The following DNAH5 variants were observed in gnomAD, a reference collection of about 807,000 sequenced individuals.
DNAH5 encodes the protein dynein axonemal heavy chain 5.
DNAH5 carries 372 observed loss-of-function variants against 518.2 expected under a neutral mutation model. That is an observed-to-expected ratio of 0.72 (90% CI 0.66 to 0.78). DNAH5 has a LOEUF of 0.78. Ranked by LOEUF, DNAH5 falls within the 30% of genes least tolerant of loss-of-function variation. The pLI is 0.00. For synonymous variants in DNAH5, 2,039 were observed against 2,025.9 expected (o/e 1.01, Z -0.17); for missense variants, 5,523 against 5,687.0 (o/e 0.97, Z 0.93).
intron 1 of DNAH5, among the ~76,000 whole-genome samples, chr5:13,941,566 C>CA (rs1252612724): frequency 6.6e-6 from 1 of 152,178 alleles, no homozygotes; most frequent in Non-Finnish European, 1.5e-5. Context: ...GACATCTTTT[C>CA]AGATTTCAAA....
At position 13,691,802 on chromosome 5, in the gene DNAH5, G is replaced by T; in HGVS notation, c.*182C>A. 1 of 676,264 alleles carries T rather than the reference G, an allele frequency of 1.5e-6. No homozygotes were observed. Among genetic ancestry groups the T allele is most frequent in the Non-Finnish European group, 2.5e-6 (1 of 404,380 alleles). The allele number at this position is 676,264 out of a possible 1,614,324, so 41.9% of individuals were successfully genotyped here. A position where few individuals can be genotyped will look rare whatever the true frequency, so the allele number is the denominator to read the frequency against. ...AACATTTTCAACAAACTCAGACATTGGTCACTAATGATGAAACAAGTAAAA... is the reference window on the plus strand; with the variant it reads ...AACATTTTCAACAAACTCAGACATTTGTCACTAATGATGAAACAAGTAAAA... On this transcript the variant is annotated 3_prime_UTR_variant, in exon 79 of 79. Coordinates refer to ENST00000265104, the MANE Select transcript of DNAH5 (RefSeq NM_001369.3).
At chr5:13,734,423 C>A (rs1197600331) in intron 68 of DNAH5, among the ~76,000 whole-genome samples, 4 of 152,168 alleles carry the variant, frequency 2.6e-5, no homozygotes, top group Admixed American at 2.6e-4. Flanking sequence ...TGTTTTCCAG[C>A]CTTCCGCTGG....
intron 1 of DNAH5, among the ~76,000 whole-genome samples, chr5:13,999,387 C>T (rs1367184939): frequency 6.6e-6 from 1 of 152,216 alleles, no homozygotes; most frequent in Non-Finnish European, 1.5e-5. Context: ...TCCTGGCCAC[C>T]ACCATTCCAC....
intron 39 of DNAH5, 37 bp downstream of exon 39, chr5:13,824,162 T>C (rs367925678): frequency 1.2e-6 from 2 of 1,608,520 alleles, no homozygotes; most frequent in Middle Eastern, 1.6e-4. Context: ...TTAACTGATA[T>C]CCAAGTAGGT....
At chr5:13,771,344 AT>A in intron 55 of DNAH5, 1 of 276,604 alleles carries the variant, frequency 3.6e-6, no homozygotes, top group Non-Finnish European at 6.9e-6. Context: ...CCTGGTACTC[AT>A]ATTTAACAAT....
intron 51 of DNAH5, among the ~76,000 whole-genome samples, chr5:13,787,602 C>T (rs1256705222): frequency 6.6e-6 from 1 of 150,994 alleles, no homozygotes; most frequent in African/African-American, 2.4e-5. Flanking sequence ...CTCCCCCGGC[C>T]CCCAAAATGC....
chr5:13,874,526 T>A (rs988149798), intron 22 of DNAH5, among the ~76,000 whole-genome samples: 3 of 151,652 alleles, frequency 2.0e-5, no homozygotes, highest in Non-Finnish European at 4.4e-5. Flanking sequence ...GTTTCTATAT[T>A]TTTTTTTTCG....
In DNAH5 at chr5:13,922,113, C is replaced by T. The variant is rs200793212; in HGVS notation, c.654G>A (p.Lys218=). 2.9e-5 allele frequency: 46 copies of T among 1,613,896 alleles called. No homozygotes were observed. The highest frequency in any genetic ancestry group is 3.6e-5 in the Non-Finnish European group (43 of 1,179,982). Residue 218 remains lysine, a synonymous_variant, in exon 5 of 79, where the codon AAG becomes AAA. Transcript: ENST00000265104. Reference sequence around the variant, plus strand: ...ACAGCTTATTCGTCCTCACCTTCTCCTTCAGACTCTCCTGTGCACCCGACA... The same window carrying T: ...ACAGCTTATTCGTCCTCACCTTCTCTTTCAGACTCTCCTGTGCACCCGACA... ...NVLSGAQESL[K]EKVNLRKCDI...
In DNAH5 at chr5:13,867,878, G is replaced by A. The variant is rs1769508571; in HGVS notation, c.3949C>T (p.Gln1317Ter). ...GGCTGCAGTGAGACTAATTTATTCTGGACTTCGCCAGCACGTGCCAGCAGC... is the reference window on the plus strand; with the variant it reads ...GGCTGCAGTGAGACTAATTTATTCTAGACTTCGCCAGCACGTGCCAGCAGC... ...EKLLARAGEV[Q>*]NKLVSLQPSF... The change falls in exon 25 of 79, where the codon CAG becomes TAG. Residue 1317 changes from glutamine to a stop codon, truncating the protein, a stop_gained. Coordinates refer to ENST00000265104, the MANE Select transcript of DNAH5 (RefSeq NM_001369.3). LOFTEE classifies it high-confidence loss of function. The A allele has an allele frequency of 6.2e-7, 1 of 1,614,016 alleles. No homozygotes were observed. The highest frequency in any genetic ancestry group is 8.5e-7 in the Non-Finnish European group (1 of 1,179,988).
chr5:13,810,860 GA>G (rs1760593428), intron 44 of DNAH5, among the ~76,000 whole-genome samples: 1 of 152,058 alleles, frequency 6.6e-6, no homozygotes, highest in Admixed American at 6.6e-5. Context: ...AATGGATAAA[GA>G]AAAGTGCTAC....
At chr5:13,919,093 G>C in intron 7 of DNAH5, 83 bp downstream of exon 7, 1 of 1,524,028 alleles carries the variant, frequency 6.6e-7, no homozygotes, top group Non-Finnish European at 9.0e-7. Flanking sequence ...ACATTTTTTT[G>C]TTCCTAATCA....
chr5:13,752,208 C>T lies in DNAH5; in HGVS notation c.10954G>A (p.Val3652Ile), dbSNP rs756103727. ...SLGRPLLIED[V>I]GEELDPALDN... ...AGTGCTGGATCTAGTTCCTCTCCAA[C>T]ATCTTCAATAAGCAAAGGCCTTCCA... The change falls in exon 64 of 79, where the codon GTT becomes ATT. Residue 3652 changes from valine to isoleucine, a missense_variant. Val to Ile is a conservative substitution (Grantham distance 29). Around this residue, in one of 3 missense-constraint regions of DNAH5, gnomAD observed 5,121 missense variants for 5,223.3 expected, o/e 0.98. Transcript: ENST00000265104. 14 of 1,613,936 alleles carry T rather than the reference C, an allele frequency of 8.7e-6. No individual in the cohort carries two copies. The African/African-American group carries it at 1.7e-4, about 20-fold the overall frequency.
rs777611164 is a variant in DNAH5, at chr5:13,781,046, A to G, written c.8821-87T>C. 4.4e-4 allele frequency: 635 copies of G among 1,453,064 alleles called. 2 individuals carry two copies. Among genetic ancestry groups the G allele is most frequent in the Non-Finnish European group, 5.7e-4 (600 of 1,055,768 alleles). The allele number at this position is 1,453,064 out of a possible 1,614,324, so 90.0% of individuals were successfully genotyped here. On this transcript the variant is annotated intron_variant, in intron 52 of 78. Transcript: ENST00000265104. ...TTATTCAATATATGAATAAGGCCTAATTATTATTTTGGAAGATATAGGTGT... is the reference window on the plus strand; with the variant it reads ...TTATTCAATATATGAATAAGGCCTAGTTATTATTTTGGAAGATATAGGTGT...
chr5:13,878,515 C>T (rs182876043), intron 21 of DNAH5, among the ~76,000 whole-genome samples: 13 of 152,312 alleles, frequency 8.5e-5, no homozygotes, highest in Non-Finnish European at 1.3e-4. Context: ...CCTCCAGCAG[C>T]TGGAGCCACA....
chr5:13,975,492 G>A (rs758104530), intron 1 of DNAH5, among the ~76,000 whole-genome samples: 14 of 152,182 alleles, frequency 9.2e-5, no homozygotes, highest in Non-Finnish European at 1.5e-4. Flanking sequence ...CTGGATAATT[G>A]AGAAATTTAA....
At chr5:13,759,057 C>T (rs1473248451) in intron 60 of DNAH5, 74 bp from the exon 61 acceptor site, 3 of 1,583,542 alleles carry the variant, frequency 1.9e-6, no homozygotes, top group Non-Finnish European at 2.6e-6. Context: ...GGTCTGAGAA[C>T]TCAGCTAACG....
chr5:13,789,061 T>C (rs1756531576), intron 50 of DNAH5, 147 bp from the exon 51 acceptor site: 2 of 691,256 alleles, frequency 2.9e-6, no homozygotes, highest in Non-Finnish European at 4.9e-6. Context: ...CAACTTCACT[T>C]CAAATTGTCC....
chr5:13,989,253 G>A (rs911934779), intron 1 of DNAH5, among the ~76,000 whole-genome samples: 5 of 152,240 alleles, frequency 3.3e-5, no homozygotes, highest in South Asian at 2.1e-4. Context: ...AAGAAAAAGT[G>A]CAGCTTCACA....
chr5:13,944,335 T>A (rs1235031109), intron 1 of DNAH5, 47 bp downstream of exon 1: 1 of 1,590,168 alleles, frequency 6.3e-7, no homozygotes, highest in South Asian at 1.1e-5. Flanking sequence ...GTGTGACAGA[T>A]GATAATCCAA....
Sources: allele counts gnomAD v4.1 joint callset (sites outside exome capture counted in the v4.1 genomes callset), GRCh38; gene constraint gnomAD v4.1.1; regional missense constraint gnomAD v4.1.1; transcripts MANE v1.5; gene names NCBI Gene and HGNC (gene_info 2026-07-23, HGNC 2026-07-21).